ADAMTSL1: variants seen among roughly 807,000 people sequenced by gnomAD.
ADAMTSL1 encodes ADAMTS-like protein 1.
A neutral mutation model predicts 201.8 loss-of-function variants in ADAMTSL1; 126 were observed. The ratio of observed to expected loss-of-function variants is 0.62; its 90% CI spans 0.54 to 0.72. The LOEUF (loss-of-function observed/expected upper bound fraction) is 0.72. ADAMTSL1 is among the 30% of genes least tolerant of loss of function. ADAMTSL1 has a pLI of 0.00. For synonymous variants in ADAMTSL1, 1,121 were observed against 903.4 expected (o/e 1.24, Z -4.32); for missense variants, 2,679 against 2,277.8 (o/e 1.18, Z -3.59).
At chr9:18,848,260 G>A (rs1826259492) in intron 23 of ADAMTSL1, among the ~76,000 whole-genome samples, 1 of 152,158 alleles carries the variant, frequency 6.6e-6, no homozygotes, top group Non-Finnish European at 1.5e-5. Context: ...ATCTCAGGAT[G>A]GGACAAGGCA....
At chr9:18,207,048 C>T (rs1035399876) in intron 2 of ADAMTSL1, among the ~76,000 whole-genome samples, 3 of 151,936 alleles carry the variant, frequency 2.0e-5, no homozygotes, top group East Asian at 1.9e-4. Context: ...GCCTGTAATC[C>T]CAGCTACTCA....
At chr9:18,490,706 A>C (rs1436903786) in intron 1 of ADAMTSL1, among the ~76,000 whole-genome samples, 1 of 152,178 alleles carries the variant, frequency 6.6e-6, no homozygotes, top group Non-Finnish European at 1.5e-5. Flanking sequence ...GGCAGGGGAC[A>C]AAACAGGGGA....
intron 2 of ADAMTSL1, among the ~76,000 whole-genome samples, chr9:18,323,491 A>G (rs1356841788): frequency 6.6e-5 from 10 of 152,146 alleles, no homozygotes. Flanking sequence ...GGATGTTTGC[A>G]CCTCTATACA....
At chr9:18,246,590 A>G (rs1405789530) in intron 2 of ADAMTSL1, among the ~76,000 whole-genome samples, 1 of 152,218 alleles carries the variant, frequency 6.6e-6, no homozygotes, top group Non-Finnish European at 1.5e-5. Flanking sequence ...AATTTTTATA[A>G]CAGTGCTCTA....
At chr9:18,872,504 G>A (rs933289946) in intron 23 of ADAMTSL1, among the ~76,000 whole-genome samples, 6 of 152,016 alleles carry the variant, frequency 3.9e-5, no homozygotes, top group Non-Finnish European at 7.4e-5. Flanking sequence ...GCTTCCTTCC[G>A]AGTACCCAGA....
chr9:18,200,657 C>A (rs772748435), intron 2 of ADAMTSL1, among the ~76,000 whole-genome samples: 3 of 151,844 alleles, frequency 2.0e-5, no homozygotes, highest in African/African-American at 7.3e-5. Flanking sequence ...TTTAGGGAAA[C>A]CTTGTGACGT....
At chr9:18,279,450 G>C (rs1832703009) in intron 2 of ADAMTSL1, among the ~76,000 whole-genome samples, 1 of 150,732 alleles carries the variant, frequency 6.6e-6, no homozygotes, top group African/African-American at 2.4e-5. Flanking sequence ...TTTCACTTTG[G>C]TGGGGTCATG....
chr9:18,046,818 C>T (rs1821680475), intron 1 of ADAMTSL1, among the ~76,000 whole-genome samples: 1 of 152,122 alleles, frequency 6.6e-6, no homozygotes, highest in Admixed American at 6.6e-5. Context: ...ATATCATCAA[C>T]AACCTCAGAC....
chr9:18,846,548 C>A (rs1049051212), intron 23 of ADAMTSL1, among the ~76,000 whole-genome samples: 5 of 152,190 alleles, frequency 3.3e-5, no homozygotes, highest in African/African-American at 9.7e-5. Context: ...AAGATATTTA[C>A]ACTTTGCCCT....
At chr9:18,718,667 G>T in intron 14 of ADAMTSL1, 1 of 349,826 alleles carries the variant, frequency 2.9e-6, no homozygotes, top group South Asian at 2.3e-5. Flanking sequence ...TTACACACCT[G>T]ACTCTGGGCG....
intron 1 of ADAMTSL1, among the ~76,000 whole-genome samples, chr9:18,097,732 T>C (rs1314711066): frequency 6.6e-6 from 1 of 152,238 alleles, no homozygotes; most frequent in East Asian, 1.9e-4. Context: ...CAGCTCCTTT[T>C]GTGAGACTTT....
chr9:18,848,246 C>G (rs375618562), intron 23 of ADAMTSL1, among the ~76,000 whole-genome samples: 1 of 152,092 alleles, frequency 6.6e-6, no homozygotes, highest in Non-Finnish European at 1.5e-5. Context: ...CCAATTAATT[C>G]GAGATCTCAG....
chr9:18,681,697 T>TGTGGG (rs370940110), intron 11 of ADAMTSL1, 115 bp from the exon 12 acceptor site: 3,292 of 239,754 alleles, frequency 0.014, 41 homozygotes, highest in African/African-American at 0.024. Context: ...AGTCCTCGTG[T>TGTGGG]GGGGGGGGGG....
intron 2 of ADAMTSL1, among the ~76,000 whole-genome samples, chr9:18,383,137 T>G (rs1251695888): frequency 2.0e-5 from 3 of 152,158 alleles, no homozygotes; most frequent in Non-Finnish European, 4.4e-5. Context: ...TTTCCTAATC[T>G]ATTAATTCTA....
intron 15 of ADAMTSL1, among the ~76,000 whole-genome samples, chr9:18,743,875 T>C (rs1048016494): frequency 2.6e-5 from 4 of 152,184 alleles, no homozygotes; most frequent in Admixed American, 6.5e-5. Flanking sequence ...GAGTAGCAAA[T>C]CCATCTGTGA....
At chr9:18,406,483 A>G (rs1197373872) in intron 2 of ADAMTSL1, among the ~76,000 whole-genome samples, 1 of 151,634 alleles carries the variant, frequency 6.6e-6, no homozygotes, top group Non-Finnish European at 1.5e-5. Context: ...CACACGTCAC[A>G]TTGCCCGGCT....
intron 19 of ADAMTSL1, among the ~76,000 whole-genome samples, chr9:18,794,626 GT>G (rs61153622): frequency 4.4e-5 from 6 of 135,666 alleles, no homozygotes; most frequent in Admixed American, 7.9e-5. Context: ...GTTTTTTGTT[GT>G]TTTTTTTTGT....
chr9:18,891,840 T>C (rs137978165), intron 25 of ADAMTSL1, among the ~76,000 whole-genome samples: 51 of 152,378 alleles, frequency 3.3e-4, no homozygotes, highest in African/African-American at 1.1e-3. Context: ...TCCTGTCACA[T>C]GCTTGGATCT....
chr9:18,475,259 GAA>G (rs1821392798), intron 1 of ADAMTSL1, among the ~76,000 whole-genome samples: 1 of 152,188 alleles, frequency 6.6e-6, no homozygotes, highest in African/African-American at 2.4e-5. Context: ...GGCAGGAAGA[GAA>G]CAAGGTAAAA....
Sources: gnomAD v4.1 joint callset for allele counts (sites outside exome capture counted in the v4.1 genomes callset) on GRCh38, gnomAD v4.1.1 for gene constraint, MANE v1.5 for transcripts, NCBI Gene and HGNC (gene_info 2026-07-23, HGNC 2026-07-21) for gene names.